The following STARD8 variants were observed in gnomAD, a reference collection of about 807,000 sequenced individuals.
The protein encoded by STARD8 is StAR related lipid transfer domain containing 8, also known as stAR-related lipid transfer protein 8.
In STARD8, 25 loss-of-function variants were observed where a neutral mutation model predicts 69.4. The ratio of observed to expected loss-of-function variants is 0.36; its 90% CI spans 0.26 to 0.50. The LOEUF is 0.50. Ranked by LOEUF, STARD8 falls within the 20% of genes least tolerant of loss-of-function variation. The probability of loss-of-function intolerance (pLI) is 0.96; values close to 1 mark genes in which losing one functional copy is unlikely to be tolerated. For missense variants in STARD8, 921 were observed against 932.5 expected, an observed-to-expected ratio of 0.99 and a Z score of 0.16; for synonymous variants, 389 against 374.6, an observed-to-expected ratio of 1.04 and a Z score of -0.45.
Position 68,665,529 on chromosome X carries a change from G to T in STARD8, c.76G>T (p.Ala26Ser), listed in dbSNP as rs865902374. ...CFPLLQVKKN[A>S]EAEAKRACEW... ...CCCATTGCTGCAGGTGAAGAAGAAC[G>T]CTGGTAAGTACACGAGGTGGGCATT... Residue 26 changes from alanine (A) to serine (S), a missense_variant, in exon 2 of 15, where the codon GCT (alanine) becomes TCT (serine). Coordinates refer to ENST00000374599, the MANE Select transcript of STARD8 (RefSeq NM_001142503.3). 1 of 1,208,447 alleles carries T rather than the reference G, an allele frequency of 8.3e-7. No homozygotes were observed. The highest frequency in any genetic ancestry group is 3.0e-5 in the East Asian group (1 of 33,815).
chrX:68,715,364 G>T lies in STARD8; in HGVS notation c.222G>T (p.Gly74=), dbSNP rs1450986243. 8.3e-7 allele frequency: 1 copy of T among 1,206,744 alleles called. No individual in the cohort carries two copies. The highest frequency in any genetic ancestry group is 3.0e-5 in the East Asian group (1 of 33,728). The change falls in exon 4 of 15, where the codon GGG becomes GGT. Residue 74 remains glycine (G), a synonymous_variant. Coordinates refer to ENST00000374599, the MANE Select transcript of STARD8 (RefSeq NM_001142503.3). ...NHGFLDEDSL[G]ALCRRLMTLN... ...GTTTTCTGGACGAGGACTCTTTGGG[G>T]GCCCTGTGTAGGTAGGTGGGCTGAG...
rs187879388 is a variant in STARD8, at chrX:68,661,858, G to A, written c.46-3641G>A. Among the ~76,000 whole-genome samples the A allele has an allele frequency of 9.0e-3, 936 of 104,334 alleles. 15 individuals are homozygous for A. Among genetic ancestry groups the A allele is most frequent in the African/African-American group, 0.032 (875 of 27,351 alleles). 90.6% of individuals were successfully genotyped at this position (104,334 alleles called of 115,157 possible). A position where few individuals can be genotyped will look rare whatever the true frequency, so the allele number is the denominator to read the frequency against. On this transcript the variant is annotated intron_variant, in intron 1 of 14. Coordinates refer to ENST00000374599, the MANE Select transcript of STARD8 (RefSeq NM_001142503.3). ...TTACCACTAACTCTGGTCTCCCTTT[G>A]TTTTTCCTTCTTTCTTTCTTTTCCT...
chrX:68,661,332 T>C (rs1308388974), intron 1 of STARD8, among the ~76,000 whole-genome samples: 1 of 111,957 alleles, frequency 8.9e-6, no homozygotes, highest in Non-Finnish European at 1.9e-5. Context: ...CCAGCAACCA[T>C]CGTTCTGTTT....
Position 68,724,327 on chromosome X carries a change from A to C in STARD8, c.3217A>C (p.Asn1073His). 1 of 1,210,196 alleles carries C rather than the reference A, an allele frequency of 8.3e-7. No homozygotes were observed. The highest frequency in any genetic ancestry group is 1.7e-5 in the African/African-American group (1 of 57,829). ...TAGGGGCCGTTCTCCTGACTGGTAC[A>C]ACAAAGTCTTTGGACACCTGTGTGC... is the stretch of plus-strand genomic sequence containing the variant. ...DLRGRSPDWYNKVFGHLCAME... is the reference protein window; with the variant it reads ...DLRGRSPDWYHKVFGHLCAME... The change falls in exon 15 of 15, where the codon AAC becomes CAC. Residue 1073 changes from asparagine to histidine, a missense_variant. Transcript: ENST00000374599.
chrX:68,719,254 C>T lies in STARD8; in HGVS notation c.1745C>T (p.Ser582Phe), dbSNP rs147561304. Reference protein sequence around the residue: ...RKLRWHSFQNSHRPSLNSESL... With the variant: ...RKLRWHSFQNFHRPSLNSESL... ...CTCCGTTGGCATAGCTTCCAGAACT[C>T]CCATCGTCCCAGCCTCAACTCAGAG... The change falls in exon 7 of 15, where the codon TCC becomes TTC. Residue 582 changes from serine to phenylalanine, a missense_variant. By Grantham distance (155) the Ser-to-Phe change is radical. Transcript: ENST00000374599. The T allele has an allele frequency of 1.1e-5, 13 of 1,195,647 alleles. No individual in the cohort carries two copies. Among genetic ancestry groups the T allele is most frequent in the Non-Finnish European group, 1.4e-5 (12 of 887,947 alleles).
At chrX:68,652,103 C>A (rs1330577064) in intron 1 of STARD8, among the ~76,000 whole-genome samples, 1 of 109,103 alleles carries the variant, frequency 9.2e-6, no homozygotes, top group Non-Finnish European at 1.9e-5. Flanking sequence ...AGTGATCAGC[C>A]CGCCTTGGCT....
At chrX:68,705,187 C>T (rs2079996342) in intron 2 of STARD8, among the ~76,000 whole-genome samples, 1 of 112,595 alleles carries the variant, frequency 8.9e-6, no homozygotes, top group African/African-American at 3.2e-5. Flanking sequence ...GCAACTGCAG[C>T]AGAGCAGGTG....
At chrX:68,652,638 C>T (rs977550470) in intron 1 of STARD8, among the ~76,000 whole-genome samples, 1 of 110,040 alleles carries the variant, frequency 9.1e-6, no homozygotes, top group African/African-American at 3.3e-5. Context: ...GTTTCTCACC[C>T]GCTCCCCCGC....
rs781217617 is a variant in STARD8 at position 68,698,168 on chromosome X, G to A, written c.80-14746G>A. Among the ~76,000 whole-genome samples, 6 of 111,695 alleles carry A rather than the reference G, an allele frequency of 5.4e-5. No individual in the cohort carries two copies. In the South Asian group the frequency reaches 1.5e-3, roughly 28 times the overall value. ...CCCCTCCATCCTTTACTTGGCAAAC[G>A]GAAGCAGTTATTCACACCATTTGAA... On this transcript the variant is annotated intron_variant, in intron 2 of 14. Coordinates refer to ENST00000374599, the MANE Select transcript of STARD8 (RefSeq NM_001142503.3).
chrX:68,649,309 G>A (rs1337321410), intron 1 of STARD8, among the ~76,000 whole-genome samples: 2 of 111,245 alleles, frequency 1.8e-5, no homozygotes, highest in Non-Finnish European at 3.8e-5. Flanking sequence ...TCAAATGGTA[G>A]TGGGCTGGGG....
intron 2 of STARD8, among the ~76,000 whole-genome samples, chrX:68,668,235 C>A (rs2079702147): frequency 1.5e-5 from 1 of 66,019 alleles, no homozygotes; most frequent in Non-Finnish European, 2.7e-5. Flanking sequence ...TCTTTTTTCT[C>A]CTCTTTCTTT....
At chrX:68,656,209 G>A (rs895533393) in intron 1 of STARD8, 10 of 112,098 alleles carry the variant, frequency 8.9e-5, no homozygotes, top group African/African-American at 2.9e-4. Context: ...AAGTTACTTC[G>A]CCTTTCTCAA....
chrX:68,668,401 C>T (rs772491434), intron 2 of STARD8, among the ~76,000 whole-genome samples: 3 of 105,785 alleles, frequency 2.8e-5, no homozygotes, highest in South Asian at 4.3e-4. Flanking sequence ...TAGCTCACTG[C>T]GGCCTTAATC....
Position 68,720,372 on chromosome X carries a change from A to G in STARD8, c.1998A>G (p.Pro666=), listed in dbSNP as rs1217227021. 2 of 1,205,070 alleles carry G rather than the reference A, an allele frequency of 1.7e-6. No homozygotes were observed. The highest frequency in any genetic ancestry group is 2.2e-6 in the Non-Finnish European group (2 of 891,996). ...TGCAGCGCACGGGCCAGCCACTGCCACAGAGCATTCAGCAAGCCATGCGCT... is the reference window on the plus strand; with the variant it reads ...TGCAGCGCACGGGCCAGCCACTGCCGCAGAGCATTCAGCAAGCCATGCGCT... ...IHVQRTGQPL[P]QSIQQAMRYL... Residue 666 remains proline (P), a synonymous_variant, in exon 8 of 15, where the codon CCA becomes CCG. Transcript: ENST00000374599.
At chrX:68,668,726 G>C (rs2079709872) in intron 2 of STARD8, among the ~76,000 whole-genome samples, 1 of 111,280 alleles carries the variant, frequency 9.0e-6, no homozygotes, top group African/African-American at 3.3e-5. Context: ...AGTCCAAGAA[G>C]CCACTAGCAC....
intron 2 of STARD8, among the ~76,000 whole-genome samples, chrX:68,689,303 G>GGT (rs58197006): frequency 7.5e-5 from 8 of 106,553 alleles, no homozygotes; most frequent in South Asian, 4.4e-4. Context: ...CGTTAGTGGG[G>GGT]TGCTCCATCT....
chrX:68,692,820 CTTAAA>C (rs200156652), intron 2 of STARD8, among the ~76,000 whole-genome samples: 1,746 of 112,570 alleles, frequency 0.016, 35 homozygotes, highest in African/African-American at 0.046. Context: ...GTGAGTCATG[CTTAAA>C]GTCTGCTCAG....
At chrX:68,702,208 A>G (rs1190535516) in intron 2 of STARD8, among the ~76,000 whole-genome samples, 1 of 112,096 alleles carries the variant, frequency 8.9e-6, no homozygotes. Flanking sequence ...TACCCAGCAT[A>G]GGGCTTGGCA....
chrX:68,649,261 TG>T (rs201285137), intron 1 of STARD8, among the ~76,000 whole-genome samples: 2,910 of 111,465 alleles, frequency 0.026, 104 homozygotes, highest in African/African-American at 0.09. Flanking sequence ...CAGGCATGCC[TG>T]GCAGAGGGAA....
Sources: gnomAD v4.1 joint callset for allele counts (sites outside exome capture counted in the v4.1 genomes callset) on GRCh38, gnomAD v4.1.1 for gene constraint, MANE v1.5 for transcripts, NCBI Gene and HGNC (gene_info 2026-07-23, HGNC 2026-07-21) for gene names.